The following ZC3H3 variants were observed in gnomAD, a reference collection of about 807,000 sequenced individuals.
ZC3H3 encodes zinc finger CCCH-type containing 3, also known as zinc finger CCCH domain-containing protein 3.
A neutral mutation model predicts 77.3 loss-of-function variants in ZC3H3; 36 were observed. The observed-to-expected ratio is 0.47, with a 90% CI of 0.36 to 0.61. ZC3H3 has a LOEUF of 0.61. Ranked by LOEUF, ZC3H3 falls within the 20% of genes least tolerant of loss-of-function variation. The pLI is 0.00. For synonymous variants in ZC3H3, 626 were observed against 555.2 expected (o/e 1.13, Z -1.79); for missense variants, 1,331 against 1,312.2 (o/e 1.01, Z -0.22).
At chr8:143,492,282 T>C (rs1821228474) in intron 4 of ZC3H3, among the ~76,000 whole-genome samples, 1 of 151,932 alleles carries the variant, frequency 6.6e-6, no homozygotes, top group African/African-American at 2.4e-5. Context: ...AACACCACAG[T>C]CAGGGGATAC....
intron 4 of ZC3H3, among the ~76,000 whole-genome samples, chr8:143,485,859 G>A (rs1821037425): frequency 6.6e-6 from 1 of 152,366 alleles, no homozygotes; most frequent in African/African-American, 2.4e-5. Context: ...AGAAAAAGAT[G>A]CCCAGCAATG....
intron 9 of ZC3H3, among the ~76,000 whole-genome samples, chr8:143,461,337 CA>C (rs1299390464): frequency 1.3e-5 from 2 of 152,134 alleles, no homozygotes; most frequent in Non-Finnish European, 2.9e-5. Context: ...ACGGGTGTGC[CA>C]GAAAGGCAGA....
chr8:143,518,649 G>A (rs1341539828), intron 3 of ZC3H3, among the ~76,000 whole-genome samples: 1 of 152,254 alleles, frequency 6.6e-6, no homozygotes, highest in African/African-American at 2.4e-5. Flanking sequence ...TGCCCTGAGG[G>A]CCTCCTCCAG....
At chr8:143,445,455 T>A (rs924079671) in intron 9 of ZC3H3, among the ~76,000 whole-genome samples, 5 of 12,738 alleles carry the variant, frequency 3.9e-4, no homozygotes, top group Admixed American at 9.8e-4. Flanking sequence ...GGCGGGAGGG[T>A]GGGAGGATTG....
chr8:143,446,868 G>C (rs78775619), intron 9 of ZC3H3, among the ~76,000 whole-genome samples: 1,769 of 152,334 alleles, frequency 0.012, 40 homozygotes, highest in African/African-American at 0.04. Flanking sequence ...ACTGTCTTCA[G>C]ATAACTAATT....
At chr8:143,459,032 G>A (rs1317394409) in intron 9 of ZC3H3, among the ~76,000 whole-genome samples, 1 of 151,394 alleles carries the variant, frequency 6.6e-6, no homozygotes, top group Non-Finnish European at 1.5e-5. Flanking sequence ...CTTCACTGGT[G>A]AATTCTACTA....
chr8:143,490,305 G>A (rs1821166820), intron 4 of ZC3H3, among the ~76,000 whole-genome samples: 1 of 152,208 alleles, frequency 6.6e-6, no homozygotes, highest in African/African-American at 2.4e-5. Context: ...GGCCAGGGTT[G>A]GGGGCAGCCA....
intron 9 of ZC3H3, among the ~76,000 whole-genome samples, chr8:143,464,669 T>G (rs1586889668): frequency 1.3e-5 from 2 of 151,892 alleles, no homozygotes; most frequent in Non-Finnish European, 2.9e-5. Context: ...GTTCCTGGGG[T>G]GCCTGGTGTT....
chr8:143,538,141 G>C lies in ZC3H3; in HGVS notation c.1226C>G (p.Pro409Arg). The change falls in exon 2 of 12, where the codon CCA (proline) becomes CGA (arginine). Residue 409 changes from proline to arginine, a missense_variant. This residue lies in a region of ZC3H3 where 978 missense variants were observed against 915.5 expected (regional missense o/e 1.07). Coordinates refer to ENST00000262577, the MANE Select transcript of ZC3H3 (RefSeq NM_015117.3). The part of the protein sequence containing the change: ...SSKDHASQLS[P>R]VLSRSPSGDR... ...CCCCGACGGGGACCTAGACAGGACT[G>C]GGGAGAGCTGGGAGGCATGGTCCTT... 1.9e-6 allele frequency: 3 copies of C among 1,613,122 alleles called. No individual in the cohort carries two copies. Among genetic ancestry groups the C allele is most frequent in the Non-Finnish European group, 2.5e-6 (3 of 1,180,020 alleles).
intron 11 of ZC3H3, among the ~76,000 whole-genome samples, chr8:143,439,436 G>A (rs959027753): frequency 3.9e-5 from 6 of 152,196 alleles, no homozygotes; most frequent in East Asian, 1.9e-4. Context: ...ACTCAAACGC[G>A]CGGAGAGCTG....
intron 9 of ZC3H3, among the ~76,000 whole-genome samples, chr8:143,463,514 A>C (rs1297406760): frequency 6.6e-6 from 1 of 151,776 alleles, no homozygotes; most frequent in Admixed American, 6.6e-5. Flanking sequence ...AGGAGGGAAA[A>C]CTCTTCCGTT....
chr8:143,538,946 C>A lies in ZC3H3; in HGVS notation c.421G>T (p.Ala141Ser). 6.2e-7 allele frequency: 1 copy of A among 1,613,042 alleles called. No individual in the cohort carries two copies. The highest frequency in any genetic ancestry group is 8.5e-7 in the Non-Finnish European group (1 of 1,180,026). Residue 141 changes from alanine (A) to serine (S), a missense_variant, in exon 2 of 12, where the codon GCC (alanine) becomes TCC (serine). Transcript: ENST00000262577. ...SKSGSASASG[A>S]QRGSLEEFEE... is the part of the protein sequence containing the mutation. The stretch of plus-strand genomic sequence containing the variant: ...AATTCTTCCAAAGAGCCCCGCTGGG[C>A]CCCTGAGGCACTGGCAGAGCCAGAC...
chr8:143,535,679 C>T (rs950785380), intron 3 of ZC3H3, among the ~76,000 whole-genome samples: 12 of 152,268 alleles, frequency 7.9e-5, no homozygotes, highest in African/African-American at 2.9e-4. Context: ...GCCCCACAAT[C>T]TGCAGGCCGG....
chr8:143,475,694 G>A (rs2129907636), intron 4 of ZC3H3, 109 bp from the exon 5 acceptor site: 2 of 1,297,302 alleles, frequency 1.5e-6, no homozygotes, highest in African/African-American at 1.5e-5. Flanking sequence ...GGGACAGGGA[G>A]CAGCACTTGC....
intron 9 of ZC3H3, among the ~76,000 whole-genome samples, chr8:143,451,052 G>A (rs1159723648): frequency 1.3e-5 from 2 of 152,266 alleles, no homozygotes; most frequent in Non-Finnish European, 2.9e-5. Context: ...GAAGGCCTGT[G>A]GGGCTGCTGT....
intron 3 of ZC3H3, among the ~76,000 whole-genome samples, chr8:143,522,095 C>T (rs910216658): frequency 1.8e-4 from 27 of 152,202 alleles, no homozygotes; most frequent in South Asian, 2.1e-4. Flanking sequence ...AGCCCCCTGA[C>T]GCCTGGTCCT....
rs1821288352 is a variant in ZC3H3, at chr8:143,494,402, A to T, written c.1715+13344T>A. Among the ~76,000 whole-genome samples, 1 of 152,186 alleles carries T rather than the reference A, an allele frequency of 6.6e-6. No homozygotes were observed. Among genetic ancestry groups the T allele is most frequent in the East Asian group, 1.9e-4 (1 of 5,206 alleles). On this transcript the variant is annotated intron_variant, in intron 4 of 11. Transcript: ENST00000262577. The surrounding 1 kb of genome is among the most constrained non-coding windows in gnomAD (Gnocchi z 5.3). Reference sequence around the variant, plus strand: ...GCCCCAGGCTCTGGGTGGGAAAAGCACAAATGCCTGCCAGCGTGGAGGATG... The same window carrying T: ...GCCCCAGGCTCTGGGTGGGAAAAGCTCAAATGCCTGCCAGCGTGGAGGATG...
intron 3 of ZC3H3, among the ~76,000 whole-genome samples, chr8:143,531,564 G>T (rs1822608055): frequency 6.6e-6 from 1 of 152,238 alleles, no homozygotes. Context: ...GCGATTATCT[G>T]TTGTGCCAAA....
chr8:143,525,904 C>T (rs56209058), intron 3 of ZC3H3, among the ~76,000 whole-genome samples: 2,966 of 152,360 alleles, frequency 0.019, 89 homozygotes, highest in African/African-American at 0.067. Flanking sequence ...CTGGATGCCA[C>T]GCCTGCCACA....
Sources: allele counts gnomAD v4.1 joint callset (sites outside exome capture counted in the v4.1 genomes callset), GRCh38; gene constraint gnomAD v4.1.1; regional missense constraint gnomAD v4.1.1; non-coding constraint Gnocchi (gnomAD v3.1); transcripts MANE v1.5; gene names NCBI Gene and HGNC (gene_info 2026-07-23, HGNC 2026-07-21).